Variants in FNDC3B observed in about 807,000 individuals in gnomAD.
The protein encoded by FNDC3B is fibronectin type III domain-containing protein 3B.
Under a neutral mutation model 151.5 loss-of-function variants are expected in FNDC3B, and 12 were observed. The observed-to-expected ratio is 0.08, with a 90% CI of 0.05 to 0.13. FNDC3B has a LOEUF of 0.13. Among genes scored for constraint, FNDC3B ranks in the 10% least tolerant of loss-of-function variants. The pLI is 1.00. For synonymous variants in FNDC3B, 528 were observed against 549.0 expected, an observed-to-expected ratio of 0.96 and a Z score of 0.54; for missense variants, 1,214 against 1,505.3, an observed-to-expected ratio of 0.81 and a Z score of 3.20.
chr3:172,297,399 A>G (rs1485742245), intron 8 of FNDC3B, among the ~76,000 whole-genome samples: 1 of 152,148 alleles, frequency 6.6e-6, no homozygotes, highest in Non-Finnish European at 1.5e-5. Context: ...TTCACTTGTT[A>G]TTAACTTTAT....
intron 3 of FNDC3B, among the ~76,000 whole-genome samples, chr3:172,176,298 G>T (rs1723590405): frequency 6.6e-6 from 1 of 152,204 alleles, no homozygotes. Context: ...GTGGAGCTAA[G>T]AGAGACGAGT....
At chr3:172,042,445 T>G (rs1716133376) in intron 1 of FNDC3B, among the ~76,000 whole-genome samples, 1 of 152,170 alleles carries the variant, frequency 6.6e-6, no homozygotes, top group African/African-American at 2.4e-5. Context: ...ACTTGTCAGT[T>G]TGGAAAATGA....
chr3:172,256,996 T>G (rs1439789012), intron 6 of FNDC3B, among the ~76,000 whole-genome samples: 1 of 151,932 alleles, frequency 6.6e-6, no homozygotes. Flanking sequence ...GGTGGCGCAA[T>G]TTCGGCTCAC....
intron 3 of FNDC3B, among the ~76,000 whole-genome samples, chr3:172,166,021 G>T (rs1156336747): frequency 1.3e-5 from 2 of 151,398 alleles, no homozygotes; most frequent in African/African-American, 4.9e-5. Flanking sequence ...AATCTTTTAT[G>T]CATGAAGGGC....
At chr3:172,360,683 G>A (rs1438868410) in intron 22 of FNDC3B, among the ~76,000 whole-genome samples, 1 of 152,128 alleles carries the variant, frequency 6.6e-6, no homozygotes, top group African/African-American at 2.4e-5. Context: ...TTGTTGAAAA[G>A]ACTGTCTTTT....
At position 172,087,668 on chromosome 3, in the gene FNDC3B, C is replaced by G. The variant is rs186661383; in HGVS notation, c.-28-24784C>G. On this transcript the variant is annotated intron_variant, in intron 1 of 25. Transcript: ENST00000415807. Reference sequence around the variant, plus strand: ...CAAATTTCATTGCAAATTTTAAATCCTGATGTTGCATTTTTAAAACTTGTA... The same window carrying G: ...CAAATTTCATTGCAAATTTTAAATCGTGATGTTGCATTTTTAAAACTTGTA... Among the ~76,000 whole-genome samples the G allele has an allele frequency of 2.4e-4, 37 of 152,088 alleles. 1 individual carries two copies. Among genetic ancestry groups the G allele is most frequent in the African/African-American group, 8.2e-4 (34 of 41,506 alleles).
chr3:172,239,770 T>G (rs1436352015), intron 4 of FNDC3B, among the ~76,000 whole-genome samples: 1 of 55,012 alleles, frequency 1.8e-5, no homozygotes, highest in African/African-American at 1.1e-4. Context: ...TTCTGTTAGC[T>G]AAGACAAAAA....
At chr3:172,247,921 T>C (rs1727866166) in intron 5 of FNDC3B, 145 bp downstream of exon 5, 1 of 860,932 alleles carries the variant, frequency 1.2e-6, no homozygotes, top group Admixed American at 2.6e-5. Context: ...ATTCCTAGCT[T>C]CCTTTGTCCT....
chr3:172,089,178 G>A (rs533795646), intron 1 of FNDC3B, among the ~76,000 whole-genome samples: 4 of 152,224 alleles, frequency 2.6e-5, no homozygotes, highest in African/African-American at 7.2e-5. Flanking sequence ...TATTTAATTT[G>A]CAAAGTAAAA....
intron 1 of FNDC3B, among the ~76,000 whole-genome samples, chr3:172,105,003 A>G (rs1157138932): frequency 6.6e-6 from 1 of 152,160 alleles, no homozygotes; most frequent in Non-Finnish European, 1.5e-5. Context: ...GGTTTTTCTA[A>G]TGAGGAAAAT....
intron 1 of FNDC3B, among the ~76,000 whole-genome samples, chr3:172,055,315 T>G (rs1309086883): frequency 1.3e-5 from 2 of 152,244 alleles, no homozygotes; most frequent in African/African-American, 4.8e-5. Flanking sequence ...TTTTATTTGA[T>G]TTTGGACCTA....
rs1735901401 is a variant in FNDC3B at position 172,389,594 on chromosome 3, G to A, written c.3304-7570G>A. 2.0e-5 allele frequency among the ~76,000 whole-genome samples: 3 copies of A among 152,132 alleles called. No individual in the cohort carries two copies. In the South Asian group the frequency reaches 6.2e-4, roughly 32 times the overall value. ...AAAAACTGTTCACGTGTGGGGGGGT[G>A]GCTCACGCCTGTAGTAATCCCAGCA... On this transcript the variant is annotated intron_variant, in intron 25 of 25. Coordinates refer to ENST00000415807, the MANE Select transcript of FNDC3B (RefSeq NM_022763.4).
chr3:172,151,437 C>T (rs76559629), intron 3 of FNDC3B, among the ~76,000 whole-genome samples: 66 of 152,272 alleles, frequency 4.3e-4, no homozygotes, highest in African/African-American at 1.5e-3. Context: ...TACTTACCGT[C>T]TCCCCGACTC....
chr3:172,300,193 G>T (rs925858703), intron 9 of FNDC3B, among the ~76,000 whole-genome samples: 5 of 152,100 alleles, frequency 3.3e-5, no homozygotes, highest in African/African-American at 9.7e-5. Context: ...TAATAGAAAT[G>T]GTTTAACCAT....
At chr3:172,353,224 G>C in intron 22 of FNDC3B, 141 bp downstream of exon 22, 2 of 822,958 alleles carry the variant, frequency 2.4e-6, no homozygotes, top group Middle Eastern at 7.3e-4. Flanking sequence ...GTCTCACCTT[G>C]ATCCCTCAGG....
rs369972997 is a variant in FNDC3B at position 172,202,872 on chromosome 3, C to CA, written c.188-23999_188-23998insA. On this transcript the variant is annotated intron_variant, in intron 3 of 25. Transcript: ENST00000415807. Reference sequence around the variant, plus strand: ...CTTGAGCCTTTTTAATAGTTTGCTGCGGGTGTGGCACACTTTTTCTGTAAA... The same window carrying CA: ...CTTGAGCCTTTTTAATAGTTTGCTGCAGGGTGTGGCACACTTTTTCTGTAAA... Among the ~76,000 whole-genome samples the CA allele has an allele frequency of 4.5e-3, 686 of 152,266 alleles. 3 individuals are homozygous for CA. Among genetic ancestry groups the CA allele is most frequent in the African/African-American group, 0.016 (649 of 41,546 alleles).
intron 6 of FNDC3B, among the ~76,000 whole-genome samples, chr3:172,268,000 A>G (rs1729011387): frequency 6.6e-6 from 1 of 152,216 alleles, no homozygotes; most frequent in Non-Finnish European, 1.5e-5. Context: ...GACAAATTCT[A>G]AAGCCCTGTT....
chr3:172,068,423 CTTTT>C (rs11459544), intron 1 of FNDC3B, among the ~76,000 whole-genome samples: 30 of 122,598 alleles, frequency 2.4e-4, no homozygotes, highest in Admixed American at 1.1e-3. Context: ...TGTGAGGAGC[CTTTT>C]TTTTTTTTTT....
At chr3:172,097,329 A>G (rs1719140382) in intron 1 of FNDC3B, among the ~76,000 whole-genome samples, 1 of 152,230 alleles carries the variant, frequency 6.6e-6, no homozygotes, top group Admixed American at 6.5e-5. Flanking sequence ...TACCAAATCT[A>G]TTACTTAACC....
Sources: gnomAD v4.1 joint callset for allele counts (sites outside exome capture counted in the v4.1 genomes callset) on GRCh38, gnomAD v4.1.1 for gene constraint, MANE v1.5 for transcripts, NCBI Gene and HGNC (gene_info 2026-07-23, HGNC 2026-07-21) for gene names.